The following TRIM69 variants were observed in gnomAD, a reference collection of about 807,000 sequenced individuals.
TRIM69 encodes the protein E3 ubiquitin-protein ligase TRIM69.
Under a neutral mutation model 37.7 loss-of-function variants are expected in TRIM69, and 29 were observed. That is an observed-to-expected ratio of 0.77 (90% CI 0.57 to 1.05). TRIM69 has a LOEUF of 1.05. TRIM69 is among the 50% of genes least tolerant of loss of function. The probability of loss-of-function intolerance (pLI) is 0.00; values close to 1 mark genes in which losing one functional copy is unlikely to be tolerated. For missense variants in TRIM69, 596 were observed against 579.9 expected, an observed-to-expected ratio of 1.03 and a Z score of -0.28; for synonymous variants, 209 against 212.4, an observed-to-expected ratio of 0.98 and a Z score of 0.14.
At chr15:44,756,536 A>G in intron 3 of TRIM69, 73 bp downstream of exon 3, 1 of 1,007,288 alleles carries the variant, frequency 9.9e-7, no homozygotes, top group Non-Finnish European at 1.5e-6. Context: ...CTATGGGTAC[A>G]AAGGTGCCTA....
At chr15:44,738,205 C>T (rs777236693) in intron 1 of TRIM69, among the ~76,000 whole-genome samples, 7 of 150,194 alleles carry the variant, frequency 4.7e-5, no homozygotes, top group African/African-American at 1.2e-4. Flanking sequence ...ACTGCAGGGA[C>T]GCACCACCAC....
At chr15:44,746,192 A>G (rs557050702) in intron 1 of TRIM69, among the ~76,000 whole-genome samples, 4 of 152,246 alleles carry the variant, frequency 2.6e-5, no homozygotes, top group Non-Finnish European at 5.9e-5. Context: ...CATGGAAGCC[A>G]GAGAGCAATG....
chr15:44,766,159 A>T (rs1326368792), intron 6 of TRIM69, among the ~76,000 whole-genome samples: 2 of 152,248 alleles, frequency 1.3e-5, no homozygotes, highest in Non-Finnish European at 2.9e-5. Flanking sequence ...AGTAAAATTA[A>T]AAAAAGCAAA....
intron 1 of TRIM69, among the ~76,000 whole-genome samples, chr15:44,744,458 A>G (rs1312455098): frequency 6.6e-6 from 1 of 152,042 alleles, no homozygotes; most frequent in African/African-American, 2.4e-5. Flanking sequence ...AAGTATAATA[A>G]TAATAAAAAA....
At chr15:44,767,119 A>G in intron 6 of TRIM69, 112 bp from the exon 7 acceptor site, 2 of 482,258 alleles carry the variant, frequency 4.1e-6, no homozygotes, top group Non-Finnish European at 7.3e-6. Context: ...CTAAGAGTCT[A>G]TGTGTATGGG....
chr15:44,749,555 A>T (rs943090017), intron 1 of TRIM69, among the ~76,000 whole-genome samples: 1 of 152,212 alleles, frequency 6.6e-6, no homozygotes, highest in Non-Finnish European at 1.5e-5. Flanking sequence ...TGTAGCATGT[A>T]TGAATACTTT....
At chr15:44,739,665 C>G (rs577671849) in intron 1 of TRIM69, among the ~76,000 whole-genome samples, 2 of 152,122 alleles carry the variant, frequency 1.3e-5, no homozygotes, top group African/African-American at 4.8e-5. Flanking sequence ...AAGGCGGCAG[C>G]GAGGCTGTGG....
intron 6 of TRIM69, among the ~76,000 whole-genome samples, chr15:44,760,952 C>G (rs2087761858): frequency 6.6e-6 from 1 of 150,516 alleles, no homozygotes; most frequent in African/African-American, 2.4e-5. Context: ...GAGTCTCGCT[C>G]TGTTGCCCAG....
intron 1 of TRIM69, among the ~76,000 whole-genome samples, chr15:44,737,472 C>T (rs1429236631): frequency 6.6e-6 from 1 of 152,192 alleles, no homozygotes; most frequent in Non-Finnish European, 1.5e-5. Context: ...CCTAAACCTA[C>T]TATATTCTTA....
intron 1 of TRIM69, chr15:44,753,128 C>A (rs1324520837): frequency 6.6e-6 from 1 of 152,084 alleles, no homozygotes; most frequent in Admixed American, 6.5e-5. Flanking sequence ...GGAGATACTT[C>A]CTAGTTTCCT....
At position 44,754,886 on chromosome 15, in the gene TRIM69, G is replaced by C. The variant is rs1566895489; in HGVS notation, c.7-14G>C. The C allele has an allele frequency of 5.1e-6, 8 of 1,571,576 alleles. No homozygotes were observed. The East Asian group carries it at 1.6e-4, about 31-fold the overall frequency. ...CAAGAAAGATAAACTCATTTTAGCTGTTCTTTTCTAAAGGTATCCACCAAC... is the reference window on the plus strand; with the variant it reads ...CAAGAAAGATAAACTCATTTTAGCTCTTCTTTTCTAAAGGTATCCACCAAC... On this transcript the variant is annotated splice_polypyrimidine_tract_variant and intron_variant, in intron 1 of 6. Coordinates refer to ENST00000329464, the MANE Select transcript of TRIM69 (RefSeq NM_182985.5).
At chr15:44,753,742 T>A (rs2141136745) in intron 1 of TRIM69, 1 of 152,014 alleles carries the variant, frequency 6.6e-6, no homozygotes, top group East Asian at 1.9e-4. Flanking sequence ...TGAGACAGAG[T>A]TTCACTCTTG....
At chr15:44,743,466 G>T (rs994988378) in intron 1 of TRIM69, among the ~76,000 whole-genome samples, 1 of 152,144 alleles carries the variant, frequency 6.6e-6, no homozygotes, top group Admixed American at 6.5e-5. Context: ...TGACAAATGC[G>T]ATCTAATTAA....
chr15:44,751,606 T>C (rs1010423543), intron 1 of TRIM69, among the ~76,000 whole-genome samples: 1 of 152,202 alleles, frequency 6.6e-6, no homozygotes, highest in African/African-American at 2.4e-5. Flanking sequence ...TGGTTTAGCT[T>C]GTACCTCTCT....
intron 6 of TRIM69, among the ~76,000 whole-genome samples, chr15:44,760,344 A>T (rs937949344): frequency 6.6e-6 from 1 of 152,210 alleles, no homozygotes; most frequent in African/African-American, 2.4e-5. Context: ...TTAAATAAAC[A>T]TACCTAAGAA....
Position 44,767,481 on chromosome 15 carries a change from C to A in TRIM69, c.1212C>A (p.Ser404Arg). ...VVRESIIRKG[S>R]CPLTPEQGFW... ...GAGAATCCATCATTCGGAAGGGCAGCTGTCCTCTAACTCCTGAGCAAGGAT... is the reference window on the plus strand; with the variant it reads ...GAGAATCCATCATTCGGAAGGGCAGATGTCCTCTAACTCCTGAGCAAGGAT... The change falls in exon 7 of 7, where the codon AGC (serine) becomes AGA (arginine). Residue 404 changes from serine (S) to arginine (R), a missense_variant. Physicochemically the swap from Ser to Arg is moderately radical, Grantham distance 110. Transcript: ENST00000329464. 1 of 1,614,194 alleles carries A rather than the reference C, an allele frequency of 6.2e-7. No individual in the cohort carries two copies. Among genetic ancestry groups the A allele is most frequent in the Non-Finnish European group, 8.5e-7 (1 of 1,180,028 alleles).
rs541720297 is a variant in TRIM69, at chr15:44,759,372, A to G, written c.814-268A>G. ...TTTTCTTCTGAGACTATTTGAAAGT[A>G]TAGGTAAAGATAGCTTAACCTTAAG... On this transcript the variant is annotated intron_variant, in intron 4 of 6. Coordinates refer to ENST00000329464, the MANE Select transcript of TRIM69 (RefSeq NM_182985.5). Among the ~76,000 whole-genome samples, 3 of 152,362 alleles carry G rather than the reference A, an allele frequency of 2.0e-5. No individual in the cohort carries two copies. The East Asian group carries it at 5.8e-4, about 29-fold the overall frequency.
intron 1 of TRIM69, among the ~76,000 whole-genome samples, chr15:44,742,959 A>C (rs1400788072): frequency 1.3e-5 from 2 of 151,628 alleles, no homozygotes; most frequent in Non-Finnish European, 2.9e-5. Context: ...AATTGGAAAA[A>C]ACTACTTTAA....
At chr15:44,739,444 G>A (rs1350979921) in intron 1 of TRIM69, among the ~76,000 whole-genome samples, 1 of 152,256 alleles carries the variant, frequency 6.6e-6, no homozygotes, top group Non-Finnish European at 1.5e-5. Flanking sequence ...CACTCGGGAA[G>A]CGCAAGGGGT....
Sources: gnomAD v4.1 joint callset for allele counts (sites outside exome capture counted in the v4.1 genomes callset) on GRCh38, gnomAD v4.1.1 for gene constraint, MANE v1.5 for transcripts, NCBI Gene and HGNC (gene_info 2026-07-23, HGNC 2026-07-21) for gene names.